MRE11: variants seen among roughly 807,000 people sequenced by gnomAD.
MRE11 encodes MRE11 double strand break repair nuclease.
A neutral mutation model predicts 91.7 loss-of-function variants in MRE11; 62 were observed. The ratio of observed to expected loss-of-function variants is 0.68; its 90% CI spans 0.55 to 0.84. The LOEUF (loss-of-function observed/expected upper bound fraction) is 0.84. MRE11 is among the 40% of genes least tolerant of loss of function. The pLI is 0.00. For missense variants in MRE11, 796 were observed against 852.9 expected (o/e 0.93, Z 0.83); for synonymous variants, 273 against 271.4 (o/e 1.01, Z -0.06).
chr11:94,432,296 G>A (rs570902036), intron 18 of MRE11, among the ~76,000 whole-genome samples: 2 of 152,180 alleles, frequency 1.3e-5, no homozygotes, highest in Admixed American at 6.5e-5. Flanking sequence ...TCCTATAAAG[G>A]CCAGTACGGC....
In MRE11 at chr11:94,419,534, C is replaced by A. The variant is rs1231245293; in HGVS notation, c.*591G>T. ...TACAGAATAATAAAGGAAATTACTA[C>A]CACTTAATGGGAACACAATCTTTTG... On this transcript the variant is annotated 3_prime_UTR_variant, in exon 20 of 20. Coordinates refer to ENST00000323929, the MANE Select transcript of MRE11 (RefSeq NM_005591.4). 4.4e-6 allele frequency: 1 copy of A among 225,124 alleles called. No homozygotes were observed. The highest frequency in any genetic ancestry group is 8.7e-6 in the Non-Finnish European group (1 of 114,986). The allele number at this position is 225,124 out of a possible 1,614,324, so 13.9% of individuals were successfully genotyped here. A position where few individuals can be genotyped will look rare whatever the true frequency, so the allele number is the denominator to read the frequency against.
chr11:94,498,360 G>T, upstream of MRE11: 1 of 1,613,444 alleles, frequency 6.2e-7, no homozygotes. Flanking sequence ...CTTGCTGCTG[G>T]GAACAGAGAC....
intron 10 of MRE11, 137 bp downstream of exon 10, chr11:94,467,676 T>A: frequency 1.4e-6 from 1 of 707,520 alleles, no homozygotes; most frequent in South Asian, 1.7e-5. Flanking sequence ...CTTATATCTT[T>A]GTTTTTGCCT....
At chr11:94,463,161 C>G (rs1192787789) in intron 11 of MRE11, among the ~76,000 whole-genome samples, 1 of 152,114 alleles carries the variant, frequency 6.6e-6, no homozygotes. Context: ...ATTTATGCAG[C>G]CAACAGACAC....
intron 9 of MRE11, among the ~76,000 whole-genome samples, chr11:94,469,248 A>G (rs1053104733): frequency 2.6e-5 from 4 of 152,112 alleles, no homozygotes; most frequent in Non-Finnish European, 4.4e-5. Flanking sequence ...TGCTTCTCTA[A>G]GGACATTTGG....
chr11:94,457,686 C>A (rs1449015061), intron 13 of MRE11, among the ~76,000 whole-genome samples: 1 of 152,074 alleles, frequency 6.6e-6, no homozygotes, highest in Non-Finnish European at 1.5e-5. Context: ...TTCTTCTAAT[C>A]CTTACAACAA....
chr11:94,490,777 T>C, intron 3 of MRE11, 56 bp downstream of exon 3: 2 of 1,596,198 alleles, frequency 1.3e-6, no homozygotes, highest in Non-Finnish European at 8.6e-7. Context: ...GAAGGAAAAA[T>C]AACTTGTTAA....
chr11:94,435,403 A>G (rs1205816739), intron 18 of MRE11, among the ~76,000 whole-genome samples: 1 of 152,074 alleles, frequency 6.6e-6, no homozygotes, highest in Non-Finnish European at 1.5e-5. Context: ...AAAAATACAA[A>G]AAATTAGCCA....
intron 19 of MRE11, among the ~76,000 whole-genome samples, chr11:94,424,646 A>G (rs1945260697): frequency 6.6e-6 from 1 of 152,242 alleles, no homozygotes; most frequent in Non-Finnish European, 1.5e-5. Context: ...ATTTTAAGAA[A>G]GAACCATACT....
At chr11:94,497,626 A>C (rs1947434177), upstream of MRE11, 1 of 157,294 alleles carries the variant, frequency 6.4e-6, no homozygotes, top group South Asian at 2.0e-4. Context: ...ATTCCTTATT[A>C]ATACTTTATT....
In MRE11 at chr11:94,417,191, T is replaced by C. The variant is rs1428231509; in HGVS notation, c.*2934A>G. On this transcript the variant is annotated 3_prime_UTR_variant, in exon 20 of 20. Coordinates refer to ENST00000323929, the MANE Select transcript of MRE11 (RefSeq NM_005591.4). ...CGAGGTTTCACCATGTTGGCCAGGCTGGTCTCAAACTCCTGACCTCAGGTG... is the reference window on the plus strand; with the variant it reads ...CGAGGTTTCACCATGTTGGCCAGGCCGGTCTCAAACTCCTGACCTCAGGTG... The C allele has an allele frequency of 5.8e-6, 1 of 173,682 alleles. No individual in the cohort carries two copies. The highest frequency in any genetic ancestry group is 1.0e-4 in the East Asian group (1 of 9,648). The allele number at this position is 173,682 out of a possible 1,614,324, so 10.8% of individuals were successfully genotyped here.
chr11:94,437,486 C>T (rs1297449008), intron 16 of MRE11, among the ~76,000 whole-genome samples: 1 of 152,158 alleles, frequency 6.6e-6, no homozygotes, highest in Non-Finnish European at 1.5e-5. Flanking sequence ...AATACACACA[C>T]TAAAAATATT....
the MRE11 span, among the ~76,000 whole-genome samples, chr11:94,505,482 A>T: frequency 2.0e-5 from 3 of 152,326 alleles, no homozygotes; most frequent in Admixed American, 2.0e-4. Context: ...AATACAAAAA[A>T]AGCTCATAGA....
At chr11:94,500,481 C>A in the MRE11 span, among the ~76,000 whole-genome samples, 1 of 152,218 alleles carries the variant, frequency 6.6e-6, no homozygotes, top group Non-Finnish European at 1.5e-5. Flanking sequence ...GAAAGGATTA[C>A]TTCTACTTTC....
At chr11:94,454,947 T>C (rs938792738) in intron 14 of MRE11, among the ~76,000 whole-genome samples, 1 of 152,188 alleles carries the variant, frequency 6.6e-6, no homozygotes. Flanking sequence ...ATAAGATAAA[T>C]AGAAATATAA....
intron 11 of MRE11, among the ~76,000 whole-genome samples, chr11:94,461,437 C>A (rs1374760436): frequency 6.6e-6 from 1 of 152,186 alleles, no homozygotes; most frequent in Non-Finnish European, 1.5e-5. Context: ...TGCCTTGTGA[C>A]GTCAAGGTAG....
chr11:94,497,535 A>G (rs1947432606), upstream of MRE11: 1 of 157,068 alleles, frequency 6.4e-6, no homozygotes, highest in African/African-American at 2.4e-5. Flanking sequence ...CCAGAGGCCC[A>G]TAGAACAAAC....
chr11:94,497,846 T>C (rs575153319), upstream of MRE11: 1 of 462,760 alleles, frequency 2.2e-6, no homozygotes, highest in East Asian at 3.5e-5. Context: ...TCAGAGAATC[T>C]CATTCTTAGA....
chr11:94,449,626 A>T (rs1946041997), intron 14 of MRE11, among the ~76,000 whole-genome samples: 1 of 152,168 alleles, frequency 6.6e-6, no homozygotes. Flanking sequence ...TTAATGATGG[A>T]TGCCTCATGA....
Sources: allele counts gnomAD v4.1 joint callset (sites outside exome capture counted in the v4.1 genomes callset), GRCh38; gene constraint gnomAD v4.1.1; transcripts MANE v1.5; gene names NCBI Gene and HGNC (gene_info 2026-07-23, HGNC 2026-07-21).